SLC35F3: variants seen among roughly 807,000 people sequenced by gnomAD.
SLC35F3 encodes putative thiamine transporter SLC35F3.
SLC35F3 carries 25 observed loss-of-function variants against 49.9 expected under a neutral mutation model. The observed-to-expected ratio is 0.50, with a 90% CI of 0.37 to 0.70. SLC35F3 has a LOEUF of 0.70. Ranked by LOEUF, SLC35F3 falls within the 30% of genes least tolerant of loss-of-function variation. SLC35F3 has a pLI of 0.00. For synonymous variants in SLC35F3, 275 were observed against 265.4 expected (o/e 1.04, Z -0.35); for missense variants, 525 against 639.8 (o/e 0.82, Z 1.94).
chr1:234,146,370 CATG>C (rs1315161458), intron 2 of SLC35F3, among the ~76,000 whole-genome samples: 2 of 151,830 alleles, frequency 1.3e-5, no homozygotes, highest in Non-Finnish European at 2.9e-5. Context: ...GCTTCATTTC[CATG>C]ATATTACTAT....
At chr1:234,317,829 TG>T (rs1657526466) in intron 5 of SLC35F3, among the ~76,000 whole-genome samples, 1 of 152,182 alleles carries the variant, frequency 6.6e-6, no homozygotes, top group Non-Finnish European at 1.5e-5. Flanking sequence ...CAAATAGCTG[TG>T]GACTAATGAG....
chr1:234,113,059 C>T (rs1366847064), intron 2 of SLC35F3, among the ~76,000 whole-genome samples: 1 of 151,654 alleles, frequency 6.6e-6, no homozygotes, highest in East Asian at 1.9e-4. Context: ...AAAACCTCAT[C>T]CCCATTTTAA....
chr1:234,065,934 CGTT>C (rs1462249345), intron 2 of SLC35F3, among the ~76,000 whole-genome samples: 1 of 152,076 alleles, frequency 6.6e-6, no homozygotes, highest in East Asian at 1.9e-4. Context: ...CACGGGGTGA[CGTT>C]GTCGTGAGGT....
At position 234,130,816 on chromosome 1, in the gene SLC35F3, C is replaced by T. The variant is rs373675838; in HGVS notation, c.284-100601C>T. Among the ~76,000 whole-genome samples the T allele has an allele frequency of 6.4e-4, 97 of 152,136 alleles. 3 individuals are homozygous for T. Among genetic ancestry groups the T allele is most frequent in the East Asian group, 4.4e-3 (23 of 5,186 alleles). On this transcript the variant is annotated intron_variant, in intron 2 of 7. Transcript: ENST00000366618. ...TATGCCAAACAACCCAGAAATTCCA[C>T]GCCAAAGTATAAACTAATGGAAATG... is the stretch of plus-strand genomic sequence containing the variant.
At chr1:234,289,451 G>A (rs1229066307) in intron 3 of SLC35F3, among the ~76,000 whole-genome samples, 2 of 152,170 alleles carry the variant, frequency 1.3e-5, no homozygotes, top group Admixed American at 6.5e-5. Flanking sequence ...CTGGAAATAT[G>A]ACTGTACCTC....
At chr1:234,279,476 T>C (rs1465001911) in intron 3 of SLC35F3, among the ~76,000 whole-genome samples, 1 of 152,168 alleles carries the variant, frequency 6.6e-6, no homozygotes, top group African/African-American at 2.4e-5. Context: ...ACATGAGGCT[T>C]ACAATTTTTG....
At position 234,321,403 on chromosome 1, in the gene SLC35F3, T is replaced by G. The variant is rs537501700; in HGVS notation, c.1237+1216T>G. On this transcript the variant is annotated intron_variant, in intron 7 of 7. Coordinates refer to ENST00000366618, the MANE Select transcript of SLC35F3 (RefSeq NM_173508.4). Reference sequence around the variant, plus strand: ...TACTTCGGTTGATGTGACAACCAGATGAAATAACCGATGAGACAGCATTTC... The same window carrying G: ...TACTTCGGTTGATGTGACAACCAGAGGAAATAACCGATGAGACAGCATTTC... Among the ~76,000 whole-genome samples the G allele has an allele frequency of 2.0e-5, 3 of 152,340 alleles. No individual in the cohort carries two copies. The East Asian group carries it at 5.8e-4, about 29-fold the overall frequency.
chr1:234,316,274 T>C (rs2102997255), intron 4 of SLC35F3, among the ~76,000 whole-genome samples: 1 of 152,174 alleles, frequency 6.6e-6, no homozygotes, highest in East Asian at 1.9e-4. Flanking sequence ...CATGACCAAA[T>C]AACCTGCCAC....
rs1297747071 is a variant in SLC35F3 at position 234,231,376 on chromosome 1, A to G, written c.284-41A>G. 6.3e-6 allele frequency: 9 copies of G among 1,426,200 alleles called. No individual in the cohort carries two copies. Among genetic ancestry groups the G allele is most frequent in the South Asian group, 2.9e-5 (2 of 69,308 alleles). The allele number at this position is 1,426,200 out of a possible 1,614,324, so 88.3% of individuals were successfully genotyped here. A position where few individuals can be genotyped will look rare whatever the true frequency, so the allele number is the denominator to read the frequency against. The stretch of plus-strand genomic sequence containing the variant: ...AGCGCCCTGCGAAGTGCAGGGGTGA[A>G]GGTCTGCAGGCCCCGCTAACCACGC... On this transcript the variant is annotated intron_variant, in intron 2 of 7. Coordinates refer to ENST00000366618, the MANE Select transcript of SLC35F3 (RefSeq NM_173508.4). The surrounding 1 kb of genome is among the most constrained non-coding windows in gnomAD (Gnocchi z 5.4).
intron 2 of SLC35F3, among the ~76,000 whole-genome samples, chr1:233,951,468 T>C (rs1662607201): frequency 6.6e-6 from 1 of 152,048 alleles, no homozygotes; most frequent in Admixed American, 6.5e-5. Context: ...AAAAATCCAT[T>C]ATACCATATT....
chr1:234,080,745 C>T (rs1017203419), intron 2 of SLC35F3, among the ~76,000 whole-genome samples: 7 of 151,868 alleles, frequency 4.6e-5, no homozygotes, highest in Non-Finnish European at 7.4e-5. Flanking sequence ...TTAGTGGTTG[C>T]CAGGGAAGGG....
At chr1:233,910,183 G>T (rs1418099950) in intron 2 of SLC35F3, among the ~76,000 whole-genome samples, 1 of 152,230 alleles carries the variant, frequency 6.6e-6, no homozygotes, top group Non-Finnish European at 1.5e-5. Flanking sequence ...GAAGAGAAAT[G>T]ACTGATTAGA....
intron 3 of SLC35F3, among the ~76,000 whole-genome samples, chr1:234,300,908 A>G (rs974478592): frequency 6.6e-6 from 1 of 152,278 alleles, no homozygotes; most frequent in Non-Finnish European, 1.5e-5. Flanking sequence ...GGTACTGACC[A>G]TGAGAATAAA....
chr1:233,983,277 AAAG>A (rs1420416005), intron 2 of SLC35F3, among the ~76,000 whole-genome samples: 1 of 152,212 alleles, frequency 6.6e-6, no homozygotes, highest in African/African-American at 2.4e-5. Flanking sequence ...AATTAAGCCA[AAAG>A]AAGGACTATT....
chr1:234,105,923 C>T (rs1479276032), intron 2 of SLC35F3, among the ~76,000 whole-genome samples: 4 of 152,090 alleles, frequency 2.6e-5, no homozygotes, highest in Admixed American at 2.0e-4. Context: ...TCCCTTTTCC[C>T]TCAACTACAA....
In SLC35F3 at chr1:233,919,424, G is replaced by A. The variant is rs111472110; in HGVS notation, c.283+13666G>A. ...TTGGTGTGTGGTGACCAATAAACAT[G>A]CTTGTCTCAGGCTCCAGAATTCTTT... On this transcript the variant is annotated intron_variant, in intron 2 of 7. Transcript: ENST00000366618. Among the ~76,000 whole-genome samples, 9 of 152,246 alleles carry A rather than the reference G, an allele frequency of 5.9e-5. 1 individual carries two copies. The highest frequency in any genetic ancestry group is 2.2e-4 in the African/African-American group (9 of 41,548).
chr1:233,956,724 C>T (rs548278621), intron 2 of SLC35F3, among the ~76,000 whole-genome samples: 1 of 152,280 alleles, frequency 6.6e-6, no homozygotes, highest in African/African-American at 2.4e-5. Context: ...TTTCCATTAC[C>T]CCTCCAAGGG....
rs543688598 is a variant in SLC35F3 at position 234,311,765 on chromosome 1, T to C, written c.828+2445T>C. On this transcript the variant is annotated intron_variant, in intron 4 of 7. Coordinates refer to ENST00000366618, the MANE Select transcript of SLC35F3 (RefSeq NM_173508.4). ...TCTGACTCTCTGCTTAGGTGTGCTTTCTGTACGTTCCCTGGTTCTCCAGGT... is the reference window on the plus strand; with the variant it reads ...TCTGACTCTCTGCTTAGGTGTGCTTCCTGTACGTTCCCTGGTTCTCCAGGT... Among the ~76,000 whole-genome samples the C allele has an allele frequency of 1.5e-3, 231 of 152,318 alleles. 1 individual carries two copies. The highest frequency in any genetic ancestry group is 5.4e-3 in the African/African-American group (225 of 41,572).
chr1:234,097,200 A>G (rs975861174), intron 2 of SLC35F3, among the ~76,000 whole-genome samples: 4 of 152,070 alleles, frequency 2.6e-5, no homozygotes, highest in South Asian at 2.1e-4. Flanking sequence ...ACTTTGGGAA[A>G]TTCTTTAAGA....
Sources: allele counts gnomAD v4.1 joint callset (sites outside exome capture counted in the v4.1 genomes callset), GRCh38; gene constraint gnomAD v4.1.1; non-coding constraint Gnocchi (gnomAD v3.1); transcripts MANE v1.5; gene names NCBI Gene and HGNC (gene_info 2026-07-23, HGNC 2026-07-21).